SYT16: variants seen among roughly 807,000 people sequenced by gnomAD.
The protein encoded by SYT16 is synaptotagmin 16.
In SYT16, 42 loss-of-function variants were observed where a neutral mutation model predicts 61.4. The ratio of observed to expected loss-of-function variants is 0.68; its 90% CI spans 0.53 to 0.89. The LOEUF is 0.89. Ranked by LOEUF, SYT16 falls within the 40% of genes least tolerant of loss-of-function variation. The probability of loss-of-function intolerance (pLI) is 0.00; values close to 1 mark genes in which losing one functional copy is unlikely to be tolerated. For synonymous variants in SYT16, 314 were observed against 302.3 expected, an observed-to-expected ratio of 1.04 and a Z score of -0.40; for missense variants, 804 against 807.3, an observed-to-expected ratio of 1.00 and a Z score of 0.05.
At chr14:61,942,539 C>T (rs2050249275) in intron 1 of SYT16, among the ~76,000 whole-genome samples, 2 of 152,280 alleles carry the variant, frequency 1.3e-5, no homozygotes, top group South Asian at 2.1e-4. Context: ...TATATTTCTT[C>T]TTCTGTTTTT....
At chr14:62,069,369 T>G in intron 3 of SYT16, 3 of 530,638 alleles carry the variant, frequency 5.7e-6, no homozygotes, top group Non-Finnish European at 6.8e-6. Flanking sequence ...GTCCCAATGA[T>G]TTGTCTTGGG....
chr14:61,974,743 G>T (rs2051711819), intron 2 of SYT16, among the ~76,000 whole-genome samples: 1 of 152,350 alleles, frequency 6.6e-6, no homozygotes, highest in South Asian at 2.1e-4. Context: ...CACTGAGTTG[G>T]GAAGATGGAG....
intron 3 of SYT16, among the ~76,000 whole-genome samples, chr14:62,045,037 C>G (rs1388436738): frequency 1.3e-5 from 2 of 152,088 alleles, no homozygotes; most frequent in Non-Finnish European, 2.9e-5. Flanking sequence ...ACTCAGGAGG[C>G]TGAGGCAGGA....
In SYT16 at chr14:61,996,305, A is replaced by G; in HGVS notation, c.286A>G (p.Ser96Gly). The G allele has an allele frequency of 6.2e-7, 1 of 1,613,542 alleles. No homozygotes were observed. The highest frequency in any genetic ancestry group is 8.5e-7 in the Non-Finnish European group (1 of 1,179,604). The change falls in exon 3 of 8, where the codon AGT becomes GGT. Residue 96 changes from serine to glycine, a missense_variant. Transcript: ENST00000683842. ...AGTGGATCATTTCTCATGTTGTAAT[A>G]GTGATTTGCAGGACTCTGCCCAAAA... ...LEVDHFSCCN[S>G]DLQDSAQNSS...
intron 3 of SYT16, among the ~76,000 whole-genome samples, chr14:62,025,809 A>G (rs933152058): frequency 6.6e-6 from 1 of 152,012 alleles, no homozygotes; most frequent in Admixed American, 6.6e-5. Context: ...TTGTTGGTAT[A>G]TAGGAAGGCA....
At chr14:62,095,111 A>G (rs1279552990) in intron 7 of SYT16, among the ~76,000 whole-genome samples, 1 of 152,074 alleles carries the variant, frequency 6.6e-6, no homozygotes, top group Non-Finnish European at 1.5e-5. Context: ...AGAATGGTGG[A>G]TATCGTAGTA....
intron 3 of SYT16, among the ~76,000 whole-genome samples, chr14:62,005,115 A>G (rs1318011594): frequency 2.0e-5 from 3 of 152,152 alleles, no homozygotes; most frequent in Admixed American, 6.5e-5. Context: ...TTGCCTCATT[A>G]CAGATTGGTG....
At chr14:61,999,177 T>C (rs2052890154) in intron 3 of SYT16, among the ~76,000 whole-genome samples, 1 of 151,872 alleles carries the variant, frequency 6.6e-6, no homozygotes. Context: ...TCCTTTCCTA[T>C]AAACTAGAAA....
chr14:62,084,027 C>T (rs377059200), intron 6 of SYT16, among the ~76,000 whole-genome samples, 169 bp from the exon 7 acceptor site: 3 of 152,168 alleles, frequency 2.0e-5, no homozygotes, highest in Non-Finnish European at 4.4e-5. Context: ...GGATCTCATC[C>T]GTGACTGTGC....
At chr14:62,031,987 G>A (rs1275246812) in intron 3 of SYT16, among the ~76,000 whole-genome samples, 1 of 152,148 alleles carries the variant, frequency 6.6e-6, no homozygotes, top group South Asian at 2.1e-4. Context: ...AGCACAATTT[G>A]CAGACTATAA....
chr14:62,011,924 C>CATATATATATATATATAT (rs71449575), intron 3 of SYT16, among the ~76,000 whole-genome samples: 5 of 86,994 alleles, frequency 5.7e-5, no homozygotes, highest in African/African-American at 2.4e-4. Flanking sequence ...CACACACACA[C>CATATATATATATATATAT]ACATATATAT....
At chr14:62,071,314 T>G (rs1168916676) in intron 4 of SYT16, among the ~76,000 whole-genome samples, 1 of 152,212 alleles carries the variant, frequency 6.6e-6, no homozygotes, top group East Asian at 1.9e-4. Flanking sequence ...ATGGCCCCAT[T>G]TCCCAAAAGC....
At chr14:62,003,834 C>T (rs781770409) in intron 3 of SYT16, among the ~76,000 whole-genome samples, 9 of 152,050 alleles carry the variant, frequency 5.9e-5, no homozygotes, top group Non-Finnish European at 1.2e-4. Context: ...TAGTTATGTA[C>T]GTGATAACTT....
At chr14:62,044,509 C>T (rs10148213) in intron 3 of SYT16, among the ~76,000 whole-genome samples, 61,607 of 151,702 alleles carry the variant, frequency 0.41, 13,941 homozygotes, top group African/African-American at 0.62. Flanking sequence ...TGTCCATGTG[C>T]TCTCATTGTT....
intron 1 of SYT16, among the ~76,000 whole-genome samples, chr14:61,881,934 A>T (rs894755969): frequency 4.6e-5 from 7 of 152,116 alleles, no homozygotes; most frequent in African/African-American, 1.7e-4. Flanking sequence ...CCAGTCCATG[A>T]TTTCTGACCA....
chr14:61,849,279 G>A (rs2046537635), intron 1 of SYT16, among the ~76,000 whole-genome samples: 1 of 152,136 alleles, frequency 6.6e-6, no homozygotes, highest in African/African-American at 2.4e-5. Flanking sequence ...GCCTGGAGTT[G>A]GGGGAGGGCT....
intron 5 of SYT16, among the ~76,000 whole-genome samples, chr14:62,076,808 ACT>A (rs1158913441): frequency 1.3e-5 from 2 of 152,116 alleles, no homozygotes; most frequent in Non-Finnish European, 2.9e-5. Context: ...GCCTATTGAT[ACT>A]CTGTCTCCTT....
At chr14:62,053,795 TGAATG>T (rs1280372206) in intron 3 of SYT16, among the ~76,000 whole-genome samples, 2 of 152,042 alleles carry the variant, frequency 1.3e-5, no homozygotes, top group African/African-American at 4.8e-5. Context: ...ATTATGAAAA[TGAATG>T]GAACAAAAGG....
chr14:61,857,416 G>A (rs1423329313), intron 1 of SYT16, among the ~76,000 whole-genome samples: 2 of 152,214 alleles, frequency 1.3e-5, no homozygotes, highest in African/African-American at 4.8e-5. Flanking sequence ...TTAGAGGTGG[G>A]CCCAGGGAAC....
Sources: gnomAD v4.1 joint callset for allele counts (sites outside exome capture counted in the v4.1 genomes callset) on GRCh38, gnomAD v4.1.1 for gene constraint, MANE v1.5 for transcripts, NCBI Gene and HGNC (gene_info 2026-07-23, HGNC 2026-07-21) for gene names.